The following KLHL1 variants were observed in gnomAD, a reference collection of about 807,000 sequenced individuals.
The protein encoded by KLHL1 is kelch-like protein 1.
Under a neutral mutation model 77.7 loss-of-function variants are expected in KLHL1, and 47 were observed. The ratio of observed to expected loss-of-function variants is 0.60; its 90% confidence interval spans 0.48 to 0.77. KLHL1 has a LOEUF of 0.77. Among genes scored for constraint, KLHL1 ranks in the 30% least tolerant of loss-of-function variants. The probability of loss-of-function intolerance (pLI) is 0.00; values close to 1 mark genes in which losing one functional copy is unlikely to be tolerated. For missense variants in KLHL1, 925 were observed against 910.8 expected, an observed-to-expected ratio of 1.02 and a Z score of -0.20; for synonymous variants, 360 against 325.2, an observed-to-expected ratio of 1.11 and a Z score of -1.15.
chr13:69,702,851 C>T (rs1051291266), intron 10 of KLHL1, among the ~76,000 whole-genome samples: 3 of 151,554 alleles, frequency 2.0e-5, no homozygotes, highest in Non-Finnish European at 4.4e-5. Flanking sequence ...ATATTCGTGA[C>T]ATATTTGTGT....
chr13:70,065,433 A>G (rs991985072), intron 1 of KLHL1, among the ~76,000 whole-genome samples: 3 of 152,174 alleles, frequency 2.0e-5, no homozygotes, highest in Non-Finnish European at 4.4e-5. Context: ...GGAAAGCACA[A>G]TAGAGTGGGG....
intron 6 of KLHL1, among the ~76,000 whole-genome samples, chr13:69,805,522 G>A (rs967260165): frequency 4.0e-5 from 6 of 151,642 alleles, no homozygotes; most frequent in African/African-American, 1.5e-4. Flanking sequence ...ACTTCTGGAA[G>A]TAGGTAAATC....
At chr13:69,985,892 T>G (rs536099530) in intron 1 of KLHL1, among the ~76,000 whole-genome samples, 26 of 143,994 alleles carry the variant, frequency 1.8e-4, no homozygotes, top group African/African-American at 6.9e-4. Context: ...TGTATGTATA[T>G]AAGTATATAT....
intron 1 of KLHL1, among the ~76,000 whole-genome samples, chr13:70,078,366 G>A (rs1317085920): frequency 6.6e-6 from 1 of 151,970 alleles, no homozygotes; most frequent in Non-Finnish European, 1.5e-5. Flanking sequence ...CAAAATTAAT[G>A]ATGTTCAAAG....
At chr13:70,019,694 T>C (rs193206115) in intron 1 of KLHL1, among the ~76,000 whole-genome samples, 14 of 152,318 alleles carry the variant, frequency 9.2e-5, no homozygotes, top group Non-Finnish European at 1.2e-4. Flanking sequence ...ACACAGTTTA[T>C]AAATGATAGT....
rs374173536 is a variant in KLHL1, at chr13:70,022,194, G to A, written c.498-46392C>T. Among the ~76,000 whole-genome samples, 7 of 151,742 alleles carry A rather than the reference G, an allele frequency of 4.6e-5. No individual in the cohort carries two copies. In the East Asian group the frequency reaches 9.7e-4, roughly 21 times the overall value. The stretch of plus-strand genomic sequence containing the variant: ...TGTTTATATACTTTTCTTTAGATGC[G>A]GCTATCCAGTTGTTCTAGCACTGTT... On this transcript the variant is annotated intron_variant, in intron 1 of 10. Transcript: ENST00000377844.
At chr13:69,708,991 C>A (rs1006758193) in intron 9 of KLHL1, among the ~76,000 whole-genome samples, 1 of 151,838 alleles carries the variant, frequency 6.6e-6, no homozygotes, top group South Asian at 2.1e-4. Flanking sequence ...TACAGAAGAT[C>A]TGGAATTTAT....
intron 7 of KLHL1, 99 bp downstream of exon 7, chr13:69,796,639 A>T: frequency 2.1e-6 from 2 of 932,342 alleles, no homozygotes; most frequent in East Asian, 5.3e-5. Context: ...TTATCGCAAC[A>T]CAAATTTACT....
chr13:70,039,945 G>T (rs1822171), intron 1 of KLHL1, among the ~76,000 whole-genome samples: 1,872 of 151,922 alleles, frequency 0.012, 28 homozygotes, highest in African/African-American at 0.043. Context: ...TATATTTTTT[G>T]ATTTATCTTC....
chr13:69,701,695 C>T lies in KLHL1; in HGVS notation c.*7G>A. 1 of 1,597,196 alleles carries T rather than the reference C, an allele frequency of 6.3e-7. No homozygotes were observed. Among genetic ancestry groups the T allele is most frequent in the Non-Finnish European group, 8.6e-7 (1 of 1,168,222 alleles). On this transcript the variant is annotated 3_prime_UTR_variant, in exon 11 of 11. Coordinates refer to ENST00000377844, the MANE Select transcript of KLHL1 (RefSeq NM_020866.3). The stretch of plus-strand genomic sequence containing the variant: ...AGTAAAATCTTTCCAAGTAAAATAT[C>T]AATAAGTCAAGGTTGCTTGATGACT...
intron 1 of KLHL1, among the ~76,000 whole-genome samples, chr13:70,005,172 G>C (rs1885377585): frequency 6.6e-6 from 1 of 151,552 alleles, no homozygotes; most frequent in Non-Finnish European, 1.5e-5. Context: ...TTACCAAAGA[G>C]AGAAAATAAA....
chr13:70,069,112 T>A (rs1370180528), intron 1 of KLHL1, among the ~76,000 whole-genome samples: 1 of 152,188 alleles, frequency 6.6e-6, no homozygotes, highest in Non-Finnish European at 1.5e-5. Flanking sequence ...TGAAAAATAC[T>A]CAGCTCTGGC....
intron 2 of KLHL1, among the ~76,000 whole-genome samples, chr13:69,969,327 G>A (rs2137282150): frequency 6.6e-6 from 1 of 152,082 alleles, no homozygotes; most frequent in South Asian, 2.1e-4. Context: ...TGGGCAGTTA[G>A]TAACTAAAAT....
At chr13:69,784,526 G>T (rs1418569404) in intron 7 of KLHL1, among the ~76,000 whole-genome samples, 2 of 151,866 alleles carry the variant, frequency 1.3e-5, no homozygotes, top group African/African-American at 2.4e-5. Context: ...AAAGGCAGGG[G>T]TTGCAATCCT....
At chr13:70,041,576 A>T (rs1886381189) in intron 1 of KLHL1, among the ~76,000 whole-genome samples, 1 of 152,102 alleles carries the variant, frequency 6.6e-6, no homozygotes, top group African/African-American at 2.4e-5. Flanking sequence ...TGTGCCTGGA[A>T]GGGGTAGTGT....
In KLHL1 at chr13:69,780,211, A is replaced by G. The variant is rs140731448; in HGVS notation, c.1639+16527T>C. 6.0e-3 allele frequency among the ~76,000 whole-genome samples: 919 copies of G among 152,296 alleles called. 8 individuals carry two copies. The highest frequency in any genetic ancestry group is 0.02 in the African/African-American group (834 of 41,574). ...GAGTATGTGGATACAAGCATGCATT[A>G]TTGAGAGACTTAACTTTTTATTTGC... On this transcript the variant is annotated intron_variant, in intron 7 of 10. Coordinates refer to ENST00000377844, the MANE Select transcript of KLHL1 (RefSeq NM_020866.3).
chr13:70,057,797 A>AG (rs1886784285), intron 1 of KLHL1, among the ~76,000 whole-genome samples: 1 of 149,560 alleles, frequency 6.7e-6, no homozygotes, highest in Non-Finnish European at 1.5e-5. Context: ...AAAAAAAAAA[A>AG]AAAAAAAAGA....
intron 1 of KLHL1, among the ~76,000 whole-genome samples, chr13:70,083,902 GTAAAA>G (rs1887455020): frequency 6.6e-6 from 1 of 151,876 alleles, no homozygotes; most frequent in South Asian, 2.1e-4. Context: ...ATCAAACATA[GTAAAA>G]TAAAATACAG....
At chr13:69,825,984 T>G (rs1000896617) in intron 6 of KLHL1, among the ~76,000 whole-genome samples, 4 of 16,784 alleles carry the variant, frequency 2.4e-4, no homozygotes, top group Non-Finnish European at 7.4e-4. Context: ...AAATACTTAC[T>G]TACAGAAAAA....
Sources: gnomAD v4.1 joint callset for allele counts (sites outside exome capture counted in the v4.1 genomes callset) on GRCh38, gnomAD v4.1.1 for gene constraint, MANE v1.5 for transcripts, NCBI Gene and HGNC (gene_info 2026-07-23, HGNC 2026-07-21) for gene names.